PRKDC: variants seen among roughly 807,000 people sequenced by gnomAD.
The protein encoded by PRKDC is protein kinase, DNA-activated, catalytic subunit.
A neutral mutation model predicts 486.9 loss-of-function variants in PRKDC; 82 were observed. The observed-to-expected ratio is 0.17, with a 90% confidence interval of 0.14 to 0.20. The LOEUF (loss-of-function observed/expected upper bound fraction) is 0.20, where lower values mean the gene tolerates loss of function less well. PRKDC is among the 10% of genes least tolerant of loss of function. The pLI is 1.00. For missense variants in PRKDC, 4,504 were observed against 5,038.2 expected, an observed-to-expected ratio of 0.89 and a Z score of 3.21; for synonymous variants, 1,895 against 1,837.0, an observed-to-expected ratio of 1.03 and a Z score of -0.81.
intron 25 of PRKDC, among the ~76,000 whole-genome samples, chr8:47,908,972 T>C (rs575047685): frequency 6.6e-6 from 1 of 152,338 alleles, no homozygotes; most frequent in South Asian, 2.1e-4. Flanking sequence ...CCTTGATTTC[T>C]GGGCTTCCAT....
At chr8:47,797,580 A>G (rs2087007287) in intron 73 of PRKDC, among the ~76,000 whole-genome samples, 1 of 152,206 alleles carries the variant, frequency 6.6e-6, no homozygotes, top group Admixed American at 6.5e-5. Context: ...GCTTGGCCCT[A>G]TCTTCCAGTT....
At position 47,859,482 on chromosome 8, in the gene PRKDC, T is replaced by G. The variant is rs2088623058; in HGVS notation, c.6207+129A>C. 4.5e-6 allele frequency: 5 copies of G among 1,119,716 alleles called. No homozygotes were observed. The South Asian group carries it at 8.2e-5, about 18-fold the overall frequency. 69.4% of individuals were successfully genotyped at this position (1,119,716 alleles called of 1,614,324 possible). Reference sequence around the variant, plus strand: ...ATTAGATCTTGGAAAATTCTCCAAATTAACTCTATACTCCGAGGGTTGTCA... The same window carrying G: ...ATTAGATCTTGGAAAATTCTCCAAAGTAACTCTATACTCCGAGGGTTGTCA... On this transcript the variant is annotated intron_variant, in intron 46 of 85. Transcript: ENST00000314191.
In PRKDC at chr8:47,953,857, T is replaced by C; in HGVS notation, c.571A>G (p.Asn191Asp). The C allele has an allele frequency of 6.4e-7, 1 of 1,569,596 alleles. No homozygotes were observed. ...GCGCGGAACAGGTTTTCTGCATTATTTATCATCTCACTAGGATGAACTTCA... is the reference window on the plus strand; with the variant it reads ...GCGCGGAACAGGTTTTCTGCATTATCTATCATCTCACTAGGATGAACTTCA... Reference protein sequence around the residue: ...LGEVHPSEMINNAENLFRAFL... With the variant: ...LGEVHPSEMIDNAENLFRAFL... The change falls in exon 6 of 86, where the codon AAT becomes GAT. Residue 191 changes from asparagine (N) to aspartate (D), a missense_variant. By Grantham distance (23) the Asn-to-Asp change is conservative. Transcript: ENST00000314191.
At chr8:47,785,950 CA>C (rs2086783753) in intron 76 of PRKDC, among the ~76,000 whole-genome samples, 1 of 151,048 alleles carries the variant, frequency 6.6e-6, no homozygotes, top group Non-Finnish European at 1.5e-5. Context: ...ACTTAAAATA[CA>C]AAAAATTAGT....
rs368029332 is a variant in PRKDC at position 47,960,028 on chromosome 8, T to C, written c.99A>G (p.Gln33=). 22 of 1,534,020 alleles carry C rather than the reference T, an allele frequency of 1.4e-5. No homozygotes were observed. The highest frequency in any genetic ancestry group is 1.9e-4 in the Middle Eastern group (1 of 5,230). The part of the protein sequence containing the change: ...DRCGAALAGH[Q]LIRGLGQECV... ...ATTCCTGCCCCAGGCCGCGGATCAG[T>C]TGATGACCGGCCAGGGCAGCACCGC... The change falls in exon 1 of 86, where the codon CAA becomes CAG. Residue 33 remains glutamine, a synonymous_variant. Coordinates refer to ENST00000314191, the MANE Select transcript of PRKDC (RefSeq NM_006904.7).
chr8:47,951,543 G>A (rs938285347), intron 7 of PRKDC, among the ~76,000 whole-genome samples: 2 of 151,918 alleles, frequency 1.3e-5, no homozygotes, highest in Non-Finnish European at 2.9e-5. Flanking sequence ...GGGCAATAAG[G>A]CAAGACCGTG....
chr8:47,931,121 AAG>A (rs1377563331), intron 16 of PRKDC, among the ~76,000 whole-genome samples: 2 of 152,248 alleles, frequency 1.3e-5, no homozygotes, highest in Non-Finnish European at 2.9e-5. Context: ...AGTGAAGAAA[AAG>A]AGAAATAGAG....
At chr8:47,862,211 A>G in intron 43 of PRKDC, 84 bp from the exon 44 acceptor site, 1 of 1,404,160 alleles carries the variant, frequency 7.1e-7, no homozygotes, top group Non-Finnish European at 9.7e-7. Context: ...ATGCTATGTA[A>G]TAGCTCATGG....
At chr8:47,918,208 A>G in intron 22 of PRKDC, 69 bp downstream of exon 22, 1 of 1,018,482 alleles carries the variant, frequency 9.8e-7, no homozygotes, top group Non-Finnish European at 1.4e-6. Context: ...GAAGATTTTT[A>G]CTTTTCACAA....
chr8:47,850,591 A>G (rs1402648962), intron 52 of PRKDC, among the ~76,000 whole-genome samples: 2 of 152,224 alleles, frequency 1.3e-5, no homozygotes. Context: ...CAACGGCCTG[A>G]ACCCCATATA....
Position 47,819,503 on chromosome 8 carries a change from G to C in PRKDC, c.9344C>G (p.Ser3115Cys). ...TTGGTGTAAGAGGACATCAATACTA[G>C]AATAATTCTTAAAAAAAAAAAAAAA... ...NGIQSFMQNY[S>C]SIDVLLHQSR... Residue 3115 changes from serine (S) to cysteine (C), a missense_variant, in exon 67 of 86, where the codon TCT (serine) becomes TGT (cysteine). Ser to Cys is a moderately radical substitution (Grantham distance 112, BLOSUM62 -1). Transcript: ENST00000314191. The C allele has an allele frequency of 3.9e-5, 25 of 643,294 alleles. No homozygotes were observed. The highest frequency in any genetic ancestry group is 5.0e-5 in the Non-Finnish European group (22 of 436,842). 39.8% of individuals were successfully genotyped at this position (643,294 alleles called of 1,614,324 possible).
At chr8:47,795,856 G>A (rs1258300934) in intron 73 of PRKDC, among the ~76,000 whole-genome samples, 2 of 151,376 alleles carry the variant, frequency 1.3e-5, no homozygotes, top group Admixed American at 1.3e-4. Context: ...TAAAATTACA[G>A]TGTCAACTTT....
intron 38 of PRKDC, 50 bp from the exon 39 acceptor site, chr8:47,879,708 T>C: frequency 2.2e-6 from 3 of 1,391,160 alleles, no homozygotes; most frequent in Middle Eastern, 1.8e-4. Flanking sequence ...GGCTTATATA[T>C]CCTACAGAAT....
intron 44 of PRKDC, among the ~76,000 whole-genome samples, chr8:47,861,591 A>G (rs2088678938): frequency 6.6e-6 from 1 of 152,188 alleles, no homozygotes; most frequent in Admixed American, 6.5e-5. Flanking sequence ...TGGGTGCTGA[A>G]GGCAGCAACC....
intron 31 of PRKDC, among the ~76,000 whole-genome samples, chr8:47,891,902 G>T (rs564107526): frequency 6.6e-6 from 1 of 151,798 alleles, no homozygotes; most frequent in South Asian, 2.1e-4. Context: ...TTTCTGAGAC[G>T]GTGTCACCCA....
At chr8:47,778,396 G>C (rs894507378) in intron 83 of PRKDC, 63 bp downstream of exon 83, 55 of 1,512,368 alleles carry the variant, frequency 3.6e-5, no homozygotes, top group Middle Eastern at 1.8e-4. Context: ...ATTTCTGGAG[G>C]TTGTTGAAAG....
intron 50 of PRKDC, 139 bp downstream of exon 50, chr8:47,855,083 T>A: frequency 1.1e-6 from 1 of 927,788 alleles, no homozygotes; most frequent in South Asian, 1.9e-5. Context: ...CTCTGGAGGC[T>A]GTGGTTTTAT....
At chr8:47,896,734 AGGGC>A (rs747428346) in intron 30 of PRKDC, among the ~76,000 whole-genome samples, 8 of 152,010 alleles carry the variant, frequency 5.3e-5, no homozygotes, top group Non-Finnish European at 8.8e-5. Context: ...CACATGGCAC[AGGGC>A]TGTGACAGCC....
rs377123521 is a variant in PRKDC, at chr8:47,930,801, T to C, written c.1777-14A>G. On this transcript the variant is annotated splice_polypyrimidine_tract_variant and intron_variant, in intron 16 of 85. Coordinates refer to ENST00000314191, the MANE Select transcript of PRKDC (RefSeq NM_006904.7). ...CTCATCTCCATTCTTAAAGAGTAAT[T>C]GTAGCAAAGAAACATTGTACCATTC... 26 of 1,547,630 alleles carry C rather than the reference T, an allele frequency of 1.7e-5. No homozygotes were observed. Among genetic ancestry groups the C allele is most frequent in the Middle Eastern group, 1.7e-4 (1 of 5,996 alleles).
Sources: allele counts gnomAD v4.1 joint callset (sites outside exome capture counted in the v4.1 genomes callset), GRCh38; gene constraint gnomAD v4.1.1; transcripts MANE v1.5; gene names NCBI Gene and HGNC (gene_info 2026-07-23, HGNC 2026-07-21).